SEMA3A: variants seen among roughly 807,000 people sequenced by gnomAD.
SEMA3A encodes the protein semaphorin-3A.
In SEMA3A, 29 loss-of-function variants were observed where a neutral mutation model predicts 97.9. The ratio of observed to expected loss-of-function variants is 0.30; its 90% CI spans 0.22 to 0.40. The LOEUF is 0.40. Ranked by LOEUF, SEMA3A falls within the 10% of genes least tolerant of loss-of-function variation. SEMA3A has a pLI of 1.00. For synonymous variants in SEMA3A, 321 were observed against 323.7 expected, an observed-to-expected ratio of 0.99 and a Z score of 0.09; for missense variants, 763 against 951.3, an observed-to-expected ratio of 0.80 and a Z score of 2.60.
chr7:84,333,221 T>C (rs951196481), intron 2 of SEMA3A, among the ~76,000 whole-genome samples: 21 of 152,120 alleles, frequency 1.4e-4, no homozygotes, highest in African/African-American at 4.6e-4. Flanking sequence ...AAGATTTTCA[T>C]CACAAAAAAC....
intron 1 of SEMA3A, among the ~76,000 whole-genome samples, chr7:84,136,410 G>A (rs1352294960): frequency 6.6e-6 from 1 of 152,094 alleles, no homozygotes; most frequent in African/African-American, 2.4e-5. Context: ...CTAAAGGTCA[G>A]GTCACTATCA....
At chr7:84,345,812 A>G (rs181251512) in intron 2 of SEMA3A, among the ~76,000 whole-genome samples, 532 of 152,332 alleles carry the variant, frequency 3.5e-3, no homozygotes, top group African/African-American at 0.01. Context: ...GAGGGTTGGC[A>G]TCAATTTCTT....
chr7:84,438,391 C>A (rs1378962702), intron 1 of SEMA3A, among the ~76,000 whole-genome samples: 1 of 152,024 alleles, frequency 6.6e-6, no homozygotes, highest in Non-Finnish European at 1.5e-5. Flanking sequence ...CTTCAAGAAA[C>A]CAGACTAATG....
chr7:83,989,182 A>C (rs1789778930), intron 12 of SEMA3A, among the ~76,000 whole-genome samples: 1 of 152,164 alleles, frequency 6.6e-6, no homozygotes, highest in Admixed American at 6.5e-5. Context: ...AGTGTTTCTT[A>C]GGCAGAGAAA....
At chr7:84,047,172 T>A (rs1007882188) in intron 5 of SEMA3A, among the ~76,000 whole-genome samples, 5 of 152,010 alleles carry the variant, frequency 3.3e-5, no homozygotes, top group Admixed American at 3.3e-4. Flanking sequence ...CAAGATTCCA[T>A]CACTTTTTGA....
intron 3 of SEMA3A, among the ~76,000 whole-genome samples, chr7:84,305,092 T>C (rs564152767): frequency 3.3e-5 from 5 of 151,956 alleles, no homozygotes; most frequent in African/African-American, 4.8e-5. Flanking sequence ...GATCTTGCTA[T>C]GTAGGCATTG....
intron 3 of SEMA3A, among the ~76,000 whole-genome samples, chr7:84,230,640 C>T (rs946712926): frequency 2.0e-5 from 3 of 151,838 alleles, no homozygotes; most frequent in Non-Finnish European, 4.4e-5. Context: ...TACTGTCTAA[C>T]CATGTCTTGT....
intron 4 of SEMA3A, among the ~76,000 whole-genome samples, chr7:84,110,266 C>A (rs2301891): frequency 1.3e-5 from 2 of 152,058 alleles, no homozygotes; most frequent in Non-Finnish European, 2.9e-5. Context: ...TTCTTCCTTC[C>A]TTCCTCCTGC....
intron 1 of SEMA3A, among the ~76,000 whole-genome samples, chr7:84,402,392 G>C (rs566724771): frequency 6.6e-6 from 1 of 152,236 alleles, no homozygotes; most frequent in East Asian, 1.9e-4. Flanking sequence ...GTACACTGTT[G>C]GTGAGAATAT....
At chr7:84,460,415 A>C (rs1423572788) in intron 1 of SEMA3A, among the ~76,000 whole-genome samples, 2 of 151,924 alleles carry the variant, frequency 1.3e-5, no homozygotes, top group Admixed American at 6.6e-5. Context: ...GAAAAAAAAA[A>C]CAGTGAGAAG....
intron 1 of SEMA3A, among the ~76,000 whole-genome samples, chr7:84,440,581 T>A (rs912113694): frequency 2.0e-5 from 3 of 152,024 alleles, no homozygotes; most frequent in Non-Finnish European, 4.4e-5. Context: ...GACTAGAACA[T>A]CAAAAAGCAA....
chr7:84,256,152 T>G (rs1041413473), intron 3 of SEMA3A, among the ~76,000 whole-genome samples: 1 of 152,076 alleles, frequency 6.6e-6, no homozygotes, highest in Admixed American at 6.6e-5. Flanking sequence ...TGAACATGAC[T>G]ATCTTCCACA....
At chr7:84,357,537 G>T (rs12707647) in intron 2 of SEMA3A, among the ~76,000 whole-genome samples, 43,660 of 151,946 alleles carry the variant, frequency 0.29, 6,757 homozygotes, top group African/African-American at 0.38. Flanking sequence ...GTCTATCATT[G>T]TTGGACATTT....
intron 12 of SEMA3A, among the ~76,000 whole-genome samples, chr7:83,995,023 C>A (rs1790150082): frequency 6.6e-6 from 1 of 152,136 alleles, no homozygotes; most frequent in African/African-American, 2.4e-5. Context: ...TCTTGGTGCG[C>A]CGTTTTTTAA....
intron 4 of SEMA3A, among the ~76,000 whole-genome samples, chr7:84,102,553 C>T (rs1414206254): frequency 1.4e-5 from 2 of 144,252 alleles, no homozygotes; most frequent in African/African-American, 2.5e-5. Context: ...AGAGTATCCT[C>T]TGGTGTGAAT....
At chr7:84,225,409 A>T (rs990186956) in intron 3 of SEMA3A, among the ~76,000 whole-genome samples, 5 of 152,134 alleles carry the variant, frequency 3.3e-5, no homozygotes, top group African/African-American at 1.2e-4. Flanking sequence ...AAACCAGTTT[A>T]TCTATTTAGA....
intron 6 of SEMA3A, among the ~76,000 whole-genome samples, chr7:84,039,299 C>T (rs958957126): frequency 1.3e-5 from 2 of 152,050 alleles, no homozygotes; most frequent in Non-Finnish European, 2.9e-5. Context: ...CCCAAAGTCA[C>T]GTAAGTAATA....
At chr7:84,068,314 C>T (rs12707608) in intron 4 of SEMA3A, among the ~76,000 whole-genome samples, 25,214 of 144,408 alleles carry the variant, frequency 0.17, 2,321 homozygotes, top group South Asian at 0.24. Context: ...GGGAGATATA[C>T]CTAATGCTAG....
chr7:84,032,718 T>C (rs1229614160), intron 6 of SEMA3A, among the ~76,000 whole-genome samples: 1 of 151,970 alleles, frequency 6.6e-6, no homozygotes, highest in Non-Finnish European at 1.5e-5. Context: ...ACCATGTTTT[T>C]TGAACTTTTC....
Sources: gnomAD v4.1 joint callset for allele counts (sites outside exome capture counted in the v4.1 genomes callset) on GRCh38, gnomAD v4.1.1 for gene constraint, MANE v1.5 for transcripts, NCBI Gene and HGNC (gene_info 2026-07-23, HGNC 2026-07-21) for gene names.